The following GRB10 variants were observed in gnomAD, a reference collection of about 807,000 sequenced individuals.
The protein encoded by GRB10 is growth factor receptor bound protein 10, also known as growth factor receptor-bound protein 10.
GRB10 carries 20 observed loss-of-function variants against 80.9 expected under a neutral mutation model. The observed-to-expected ratio is 0.25, with a 90% CI of 0.17 to 0.36. The LOEUF (loss-of-function observed/expected upper bound fraction) is 0.36. GRB10 is among the 10% of genes least tolerant of loss of function. The pLI is 1.00. For synonymous variants in GRB10, 291 were observed against 291.5 expected, an observed-to-expected ratio of 1.00 and a Z score of 0.02; for missense variants, 548 against 747.7, an observed-to-expected ratio of 0.73 and a Z score of 3.12.
intron 8 of GRB10, among the ~76,000 whole-genome samples, chr7:50,621,937 G>C (rs868343773): frequency 1.9e-4 from 29 of 152,344 alleles, no homozygotes; most frequent in Middle Eastern, 6.8e-3. Context: ...TGCAGCTAAA[G>C]TGTGACTCCT....
chr7:50,687,627 A>G (rs556469536), intron 5 of GRB10, among the ~76,000 whole-genome samples: 5 of 152,300 alleles, frequency 3.3e-5, no homozygotes, highest in Non-Finnish European at 5.9e-5. Context: ...ACCATTTTGC[A>G]TGTCACTACC....
chr7:50,708,411 G>A (rs932212982), intron 4 of GRB10, among the ~76,000 whole-genome samples: 3 of 152,204 alleles, frequency 2.0e-5, no homozygotes, highest in African/African-American at 7.2e-5. Context: ...AGGCAGCAGG[G>A]AAAAAGTTAG....
At chr7:50,629,708 G>C (rs2053647043) in intron 7 of GRB10, among the ~76,000 whole-genome samples, 1 of 152,226 alleles carries the variant, frequency 6.6e-6, no homozygotes, top group African/African-American at 2.4e-5. Context: ...CCTATTACAG[G>C]GTACTGCCAG....
chr7:50,674,364 T>C, intron 6 of GRB10, 72 bp downstream of exon 6: 1 of 1,434,412 alleles, frequency 7.0e-7, no homozygotes, highest in Non-Finnish European at 9.7e-7. Flanking sequence ...ACCATTTAAC[T>C]CACAGAGAGC....
intron 5 of GRB10, among the ~76,000 whole-genome samples, chr7:50,688,438 T>C (rs1280790839): frequency 6.6e-6 from 1 of 152,140 alleles, no homozygotes; most frequent in Non-Finnish European, 1.5e-5. Flanking sequence ...GAGAAGGTAG[T>C]GTCATCTTTG....
intron 3 of GRB10, among the ~76,000 whole-genome samples, chr7:50,754,783 C>T (rs367721537): frequency 3.9e-5 from 6 of 152,192 alleles, no homozygotes; most frequent in Admixed American, 1.3e-4. Context: ...GGCTGAACTG[C>T]GTTCCCAAAC....
intron 2 of GRB10, among the ~76,000 whole-genome samples, chr7:50,765,472 C>T (rs1282422207): frequency 6.6e-6 from 1 of 152,156 alleles, no homozygotes; most frequent in Non-Finnish European, 1.5e-5. Flanking sequence ...CAGTGGAGTG[C>T]TATTCAACCA....
chr7:50,731,824 C>G (rs2069786696), intron 4 of GRB10, among the ~76,000 whole-genome samples: 1 of 152,182 alleles, frequency 6.6e-6, no homozygotes, highest in South Asian at 2.1e-4. Flanking sequence ...GTTAAGACAC[C>G]AAGCCCTTTC....
chr7:50,669,776 G>T lies in GRB10; in HGVS notation c.450C>A (p.Ser150Arg), dbSNP rs377603720. Residue 150 changes from serine (S) to arginine (R), a missense_variant, in exon 7 of 19, where the codon AGC becomes AGA. This residue lies in a region of GRB10 where 245 missense variants were observed against 229.3 expected (regional missense o/e 1.07). Coordinates refer to ENST00000401949, the MANE Select transcript of GRB10 (RefSeq NM_001350814.2). ...AAGAACCCGGCGTGAGCACAGGGGG[G>T]CTCCCAGGGCCACAGAGTTCAGGAA... Reference protein sequence around the residue: ...NPFPELCGPGSPPVLTPGSLP... With the variant: ...NPFPELCGPGRPPVLTPGSLP... The T allele has an allele frequency of 1.2e-6, 2 of 1,613,914 alleles. No individual in the cohort carries two copies. The highest frequency in any genetic ancestry group is 1.7e-5 in the Admixed American group (1 of 60,026).
intron 7 of GRB10, among the ~76,000 whole-genome samples, chr7:50,668,891 T>C (rs1451276382): frequency 6.6e-6 from 1 of 152,204 alleles, no homozygotes; most frequent in Non-Finnish European, 1.5e-5. Context: ...ATGGGGACAA[T>C]GGTTGTGTCC....
chr7:50,742,672 G>A (rs575835304), intron 3 of GRB10, among the ~76,000 whole-genome samples: 2 of 152,078 alleles, frequency 1.3e-5, no homozygotes, highest in South Asian at 4.2e-4. Context: ...GGGGGAAAGG[G>A]GAAGACTCTG....
chr7:50,641,804 G>A (rs930299665), intron 7 of GRB10, among the ~76,000 whole-genome samples: 6 of 152,218 alleles, frequency 3.9e-5, no homozygotes, highest in African/African-American at 1.4e-4. Flanking sequence ...TGGGACTGCT[G>A]GTGGTGACAG....
At chr7:50,739,295 G>A (rs2071331157) in intron 3 of GRB10, among the ~76,000 whole-genome samples, 1 of 152,148 alleles carries the variant, frequency 6.6e-6, no homozygotes, top group Non-Finnish European at 1.5e-5. Flanking sequence ...AGTACATTGG[G>A]TGTTCCTAAC....
intron 2 of GRB10, among the ~76,000 whole-genome samples, chr7:50,758,700 A>C (rs2075394251): frequency 1.3e-5 from 2 of 152,262 alleles, no homozygotes; most frequent in South Asian, 4.1e-4. Flanking sequence ...CAAAAAAATT[A>C]AACTCCATAT....
At chr7:50,778,813 A>G (rs561980577) in intron 2 of GRB10, among the ~76,000 whole-genome samples, 224 of 152,336 alleles carry the variant, frequency 1.5e-3, no homozygotes, top group African/African-American at 5.3e-3. Context: ...GTGGGGTGTT[A>G]GCATGCACAA....
intron 3 of GRB10, among the ~76,000 whole-genome samples, chr7:50,735,485 G>A (rs2070646743): frequency 6.6e-6 from 1 of 152,226 alleles, no homozygotes; most frequent in East Asian, 1.9e-4. Context: ...GAGCAAGCTG[G>A]CTAAGATTGA....
rs1173228330 is a variant in GRB10 at position 50,590,443 on chromosome 7, C to T, written c.*2509G>A. 1 of 152,308 alleles carries T rather than the reference C, an allele frequency of 6.6e-6. No homozygotes were observed. Among genetic ancestry groups the T allele is most frequent in the African/African-American group, 2.4e-5 (1 of 41,428 alleles). 9.4% of individuals were successfully genotyped at this position (152,308 alleles called of 1,614,324 possible). ...CTTCAAGGTTTAGCAAACAAAAGAACATTCTGGAACTCTAACACCTAGTGT... is the reference window on the plus strand; with the variant it reads ...CTTCAAGGTTTAGCAAACAAAAGAATATTCTGGAACTCTAACACCTAGTGT... On this transcript the variant is annotated 3_prime_UTR_variant, in exon 19 of 19. Transcript: ENST00000401949.
chr7:50,699,912 G>A (rs1587068512), intron 5 of GRB10, among the ~76,000 whole-genome samples: 1 of 152,166 alleles, frequency 6.6e-6, no homozygotes, highest in East Asian at 1.9e-4. Flanking sequence ...GAGGCGGGCA[G>A]ATCACGAGGT....
At chr7:50,758,050 A>G (rs10486761) in intron 2 of GRB10, among the ~76,000 whole-genome samples, 94,525 of 152,088 alleles carry the variant, frequency 0.62, 32,140 homozygotes, top group Middle Eastern at 0.87. Flanking sequence ...ATTAGTCTTT[A>G]CAGTTGACAA....
Sources: gnomAD v4.1 joint callset for allele counts (sites outside exome capture counted in the v4.1 genomes callset) on GRCh38, gnomAD v4.1.1 for gene constraint, gnomAD v4.1.1 regional missense constraint, MANE v1.5 for transcripts, NCBI Gene and HGNC (gene_info 2026-07-23, HGNC 2026-07-21) for gene names.